CFAP61: variants seen among roughly 807,000 people sequenced by gnomAD.
CFAP61 encodes the protein cilia- and flagella-associated protein 61.
In CFAP61, 107 loss-of-function variants were observed where a neutral mutation model predicts 135.6. The observed-to-expected ratio is 0.79, with a 90% CI of 0.67 to 0.93. The LOEUF is 0.93. Among genes scored for constraint, CFAP61 ranks in the 40% least tolerant of loss-of-function variants. CFAP61 has a pLI of 0.00. For synonymous variants in CFAP61, 575 were observed against 578.5 expected (o/e 0.99, Z 0.09); for missense variants, 1,507 against 1,556.2 (o/e 0.97, Z 0.53).
chr20:20,351,426 C>A (rs556339307), intron 26 of CFAP61, among the ~76,000 whole-genome samples: 1 of 151,764 alleles, frequency 6.6e-6, no homozygotes. Flanking sequence ...ACTAAAAATA[C>A]AAAAAATTAG....
intron 25 of CFAP61, among the ~76,000 whole-genome samples, chr20:20,341,014 C>T (rs1453697437): frequency 1.3e-5 from 2 of 152,074 alleles, no homozygotes; most frequent in African/African-American, 4.8e-5. Flanking sequence ...GGAAGGTGCC[C>T]ATTCACGTGG....
rs138276692 is a variant in CFAP61, at chr20:20,124,999, G to A, written c.860-17858G>A. Among the ~76,000 whole-genome samples the A allele has an allele frequency of 5.3e-5, 8 of 151,776 alleles. No individual in the cohort carries two copies. In the East Asian group the frequency reaches 1.4e-3, roughly 26 times the overall value. On this transcript the variant is annotated intron_variant, in intron 8 of 26. Coordinates refer to ENST00000245957, the MANE Select transcript of CFAP61 (RefSeq NM_015585.4). The stretch of plus-strand genomic sequence containing the variant: ...CTATCTCTTCTAGGTTTTCTAGTTT[G>A]TGTGTATAAAGGTGTTCATAGTAGC...
intron 25 of CFAP61, among the ~76,000 whole-genome samples, chr20:20,338,975 A>G (rs1480844089): frequency 6.6e-6 from 1 of 152,228 alleles, no homozygotes; most frequent in Non-Finnish European, 1.5e-5. Context: ...CCTCCCAGAT[A>G]AACCAGGCTG....
intron 17 of CFAP61, among the ~76,000 whole-genome samples, chr20:20,207,358 G>A (rs771953791): frequency 3.9e-5 from 6 of 152,206 alleles, no homozygotes; most frequent in Admixed American, 1.3e-4. Flanking sequence ...GATGCTGATC[G>A]GGTTCTTGCC....
At chr20:20,252,129 A>G (rs568279363) in intron 20 of CFAP61, among the ~76,000 whole-genome samples, 4 of 152,360 alleles carry the variant, frequency 2.6e-5, no homozygotes, top group Admixed American at 6.5e-5. Flanking sequence ...AGAGGCTAAC[A>G]TTTGGCTGTG....
chr20:20,351,574 G>GA (rs59389638), intron 26 of CFAP61, among the ~76,000 whole-genome samples: 124,927 of 142,926 alleles, frequency 0.87, 55,394 homozygotes, highest in South Asian at 0.97. Context: ...ACTCTGTCTC[G>GA]AAAAAAAAAA....
intron 2 of CFAP61, among the ~76,000 whole-genome samples, chr20:20,060,076 GGA>G (rs1491090425): frequency 1.6e-4 from 10 of 62,428 alleles, no homozygotes; most frequent in South Asian, 4.6e-4. Context: ...TAACAGAGGG[GGA>G]AAAAAAAAAA....
intron 8 of CFAP61, among the ~76,000 whole-genome samples, chr20:20,108,957 G>T (rs1211365248): frequency 6.6e-6 from 1 of 152,208 alleles, no homozygotes; most frequent in Admixed American, 6.5e-5. Context: ...TGTGGCAAAA[G>T]AATCCAGTCC....
intron 17 of CFAP61, among the ~76,000 whole-genome samples, chr20:20,205,715 T>C (rs971399322): frequency 6.6e-6 from 1 of 152,148 alleles, no homozygotes; most frequent in Non-Finnish European, 1.5e-5. Context: ...TGGGTCCAGG[T>C]TGGTGTGCTG....
At chr20:20,156,864 G>A (rs757768296) in intron 9 of CFAP61, among the ~76,000 whole-genome samples, 6 of 152,130 alleles carry the variant, frequency 3.9e-5, no homozygotes, top group Non-Finnish European at 7.4e-5. Context: ...CTAAATACAT[G>A]GAGAGATATT....
chr20:20,085,543 T>C (rs755370543), intron 6 of CFAP61: 1 of 1,365,598 alleles, frequency 7.3e-7, no homozygotes, highest in East Asian at 4.5e-5. Flanking sequence ...TGAGGTATGA[T>C]TATGGATAAC....
intron 18 of CFAP61, among the ~76,000 whole-genome samples, chr20:20,241,296 G>A (rs1208964643): frequency 2.6e-5 from 4 of 152,120 alleles, no homozygotes; most frequent in Non-Finnish European, 5.9e-5. Context: ...TAACAAGAGG[G>A]GTTACAGTAG....
At chr20:20,251,507 T>C (rs1418219794) in intron 19 of CFAP61, 88 bp from the exon 20 acceptor site, 1 of 1,284,608 alleles carries the variant, frequency 7.8e-7, no homozygotes, top group Middle Eastern at 1.9e-4. Flanking sequence ...CTCAGCCCAC[T>C]AGGGGACTTG....
At chr20:20,175,209 G>A (rs1231404608) in intron 13 of CFAP61, among the ~76,000 whole-genome samples, 8 of 152,220 alleles carry the variant, frequency 5.3e-5, no homozygotes, top group African/African-American at 1.2e-4. Context: ...ACCATGGACC[G>A]TGGAATATTC....
In CFAP61 at chr20:20,277,347, C is replaced by A; in HGVS notation, c.2685C>A (p.Val895=). Residue 895 remains valine, a synonymous_variant, in exon 22 of 27, where the codon GTC becomes GTA. Coordinates refer to ENST00000245957, the MANE Select transcript of CFAP61 (RefSeq NM_015585.4). ...CGGACGCGCTAGGAGCCGCCGGAGT[C>A]ACTATGTACCGGGATGCGATCCTGG... The part of the protein sequence containing the change: ...AVADALGAAG[V]TMYRDAILAQ... The A allele has an allele frequency of 6.2e-7, 1 of 1,614,194 alleles. No individual in the cohort carries two copies. Among genetic ancestry groups the A allele is most frequent in the Non-Finnish European group, 8.5e-7 (1 of 1,180,044 alleles).
chr20:20,086,891 T>A (rs62200296), intron 6 of CFAP61, among the ~76,000 whole-genome samples: 7,213 of 151,844 alleles, frequency 0.048, 234 homozygotes, highest in Admixed American at 0.09. Flanking sequence ...GAGAGAAGAG[T>A]CACCGGAGGG....
At chr20:20,104,626 GT>G (rs137958707) in intron 8 of CFAP61, among the ~76,000 whole-genome samples, 1,901 of 152,290 alleles carry the variant, frequency 0.012, 43 homozygotes, top group African/African-American at 0.044. Flanking sequence ...TCGGAACCTT[GT>G]TTTTAACAGT....
At chr20:20,292,029 G>C (rs1461995505) in intron 24 of CFAP61, among the ~76,000 whole-genome samples, 1 of 152,210 alleles carries the variant, frequency 6.6e-6, no homozygotes, top group Non-Finnish European at 1.5e-5. Context: ...TGGCCAATGA[G>C]ATGTAAGCAG....
rs370934046 is a variant in CFAP61, at chr20:20,176,704, A to AT, written c.1385+7246dup. Among the ~76,000 whole-genome samples, 5 of 152,032 alleles carry AT rather than the reference A, an allele frequency of 3.3e-5. 1 individual carries two copies. The highest frequency in any genetic ancestry group is 9.6e-5 in the African/African-American group (4 of 41,456). ...GGGCCGGGAGCGGGGAACAACACACATTGGGGCCTGTCAGTGGGGGTCCGA... is the reference window on the plus strand; with the variant it reads ...GGGCCGGGAGCGGGGAACAACACACATTTGGGGCCTGTCAGTGGGGGTCCGA... On this transcript the variant is annotated intron_variant, in intron 13 of 26. Transcript: ENST00000245957.
Sources: allele counts gnomAD v4.1 joint callset (sites outside exome capture counted in the v4.1 genomes callset), GRCh38; gene constraint gnomAD v4.1.1; transcripts MANE v1.5; gene names NCBI Gene and HGNC (gene_info 2026-07-23, HGNC 2026-07-21).